NEGR1: variants seen among roughly 807,000 people sequenced by gnomAD.
NEGR1 encodes IgLON family member 4.
In NEGR1, 10 loss-of-function variants were observed where a neutral mutation model predicts 40.9. The ratio of observed to expected loss-of-function variants is 0.24; its 90% CI spans 0.15 to 0.42. The LOEUF is 0.42. NEGR1 is among the 10% of genes least tolerant of loss of function. The pLI is 1.00. For missense variants in NEGR1, 352 were observed against 438.9 expected (o/e 0.80, Z 1.77); for synonymous variants, 185 against 166.8 (o/e 1.11, Z -0.84).
At chr1:72,279,772 C>G (rs1656181092) in intron 1 of NEGR1, among the ~76,000 whole-genome samples, 1 of 152,082 alleles carries the variant, frequency 6.6e-6, no homozygotes, top group South Asian at 2.1e-4. Context: ...GAGGAAATTA[C>G]CAGCTGTAGA....
In NEGR1 at chr1:71,399,044, C is replaced by G. The variant is rs1646229611; in HGVS notation, c.*8402G>C. The G allele has an allele frequency of 6.6e-6, 1 of 152,280 alleles. No individual in the cohort carries two copies. The highest frequency in any genetic ancestry group is 1.5e-5 in the Non-Finnish European group (1 of 68,174). The allele number at this position is 152,280 out of a possible 1,614,324, so 9.4% of individuals were successfully genotyped here. A position where few individuals can be genotyped will look rare whatever the true frequency, so the allele number is the denominator to read the frequency against. ...AAACCTCTTTCTTTTGCATATTGCC[C>G]TGTCTCGGGTATATCTTTATCAGCA... On this transcript the variant is annotated 3_prime_UTR_variant, in exon 7 of 7. Transcript: ENST00000357731.
chr1:72,026,400 G>A (rs1030010447), intron 1 of NEGR1, among the ~76,000 whole-genome samples: 3 of 148,898 alleles, frequency 2.0e-5, no homozygotes, highest in Non-Finnish European at 3.0e-5. Context: ...CAAAGGAGTT[G>A]GAGTCTCCCA....
chr1:71,762,232 A>T (rs146276362), intron 3 of NEGR1, among the ~76,000 whole-genome samples: 5 of 151,972 alleles, frequency 3.3e-5, no homozygotes, highest in Non-Finnish European at 4.4e-5. Flanking sequence ...ACCCACAGGA[A>T]TGCAGGAAAA....
chr1:72,251,711 T>C (rs1263709005), intron 1 of NEGR1, among the ~76,000 whole-genome samples: 1 of 152,230 alleles, frequency 6.6e-6, no homozygotes, highest in Admixed American at 6.5e-5. Flanking sequence ...ATTGTTTTTT[T>C]TCCAGATATT....
At chr1:72,053,557 G>A (rs2100480671) in intron 1 of NEGR1, among the ~76,000 whole-genome samples, 1 of 150,880 alleles carries the variant, frequency 6.6e-6, no homozygotes, top group Middle Eastern at 3.4e-3. Flanking sequence ...CGTTAGTCAT[G>A]CTTGGCTCTA....
rs563937889 is a variant in NEGR1 at position 72,168,987 on chromosome 1, C to T, written c.176+113332G>A. Among the ~76,000 whole-genome samples the T allele has an allele frequency of 2.0e-5, 3 of 152,206 alleles. No homozygotes were observed. The South Asian group carries it at 6.2e-4, about 32-fold the overall frequency. On this transcript the variant is annotated intron_variant, in intron 1 of 6. Coordinates refer to ENST00000357731, the MANE Select transcript of NEGR1 (RefSeq NM_173808.3). ...GCAAATTTGGTGAAGGTTTTGGAAA[C>T]TTTATCAAATGCATAGTAGCTAAAA...
intron 1 of NEGR1, among the ~76,000 whole-genome samples, chr1:72,194,185 C>T (rs1652919975): frequency 6.6e-6 from 1 of 151,732 alleles, no homozygotes; most frequent in African/African-American, 2.4e-5. Flanking sequence ...GTTTGTCTTA[C>T]TTCTCTGTGT....
chr1:72,090,787 A>C (rs1172600152), intron 1 of NEGR1, among the ~76,000 whole-genome samples: 1 of 152,104 alleles, frequency 6.6e-6, no homozygotes, highest in Non-Finnish European at 1.5e-5. Flanking sequence ...CCCTGGGTAA[A>C]CTAGAGAGCT....
chr1:72,201,131 G>T (rs1025508888), intron 1 of NEGR1, among the ~76,000 whole-genome samples: 2 of 151,620 alleles, frequency 1.3e-5, no homozygotes, highest in Non-Finnish European at 2.9e-5. Context: ...ACATTGTGTG[G>T]AAATGACAGA....
At chr1:71,549,693 C>A (rs1019567884) in intron 6 of NEGR1, among the ~76,000 whole-genome samples, 6 of 151,622 alleles carry the variant, frequency 4.0e-5, no homozygotes, top group Non-Finnish European at 8.9e-5. Context: ...TGCTCTTAAG[C>A]AATGCATAGA....
chr1:71,782,786 T>C (rs572750342), intron 2 of NEGR1, among the ~76,000 whole-genome samples: 1 of 152,334 alleles, frequency 6.6e-6, no homozygotes, highest in South Asian at 2.1e-4. Context: ...TCAAGGGTCC[T>C]GTGTGACTTT....
chr1:71,467,731 T>TC (rs925989082), intron 6 of NEGR1, among the ~76,000 whole-genome samples: 1 of 152,138 alleles, frequency 6.6e-6, no homozygotes, highest in Non-Finnish European at 1.5e-5. Context: ...AAATTGCTTG[T>TC]CAAAATCATA....
chr1:71,706,446 A>G (rs1653902143), intron 3 of NEGR1, among the ~76,000 whole-genome samples: 1 of 151,860 alleles, frequency 6.6e-6, no homozygotes, highest in Admixed American at 6.6e-5. Context: ...CTAGGGAAGA[A>G]CTAGGCCCAG....
At chr1:72,020,016 C>T (rs953383621) in intron 1 of NEGR1, among the ~76,000 whole-genome samples, 41 of 152,214 alleles carry the variant, frequency 2.7e-4, no homozygotes, top group African/African-American at 7.2e-4. Context: ...TGAGGGCCTA[C>T]GTAAATTAAA....
chr1:71,915,805 A>C (rs1661560099), intron 2 of NEGR1, among the ~76,000 whole-genome samples: 1 of 152,328 alleles, frequency 6.6e-6, no homozygotes, highest in South Asian at 2.1e-4. Context: ...TAATTCATTA[A>C]GAGATCATAT....
In NEGR1 at chr1:71,403,919, T is replaced by G. The variant is rs1031255307; in HGVS notation, c.*3527A>C. 11 of 378,698 alleles carry G rather than the reference T, an allele frequency of 2.9e-5. No individual in the cohort carries two copies. The highest frequency in any genetic ancestry group is 9.4e-6 in the Non-Finnish European group (2 of 211,790). The allele number at this position is 378,698 out of a possible 1,614,324, so 23.5% of individuals were successfully genotyped here. On this transcript the variant is annotated 3_prime_UTR_variant, in exon 7 of 7. Transcript: ENST00000357731. ...TTCATATTCATATCTATTGAAATAC[T>G]GTACATCCACATACTTCAATAAATA... is the stretch of plus-strand genomic sequence containing the variant.
rs1330670735 is a variant in NEGR1, at chr1:71,406,292, A to G, written c.*1154T>C. On this transcript the variant is annotated 3_prime_UTR_variant, in exon 7 of 7. Coordinates refer to ENST00000357731, the MANE Select transcript of NEGR1 (RefSeq NM_173808.3). ...CATTCCAGACTATCAACTGAGTGAT[A>G]CTTTCAGATGGAAAATATGCAAAAT... The G allele has an allele frequency of 1.3e-5, 2 of 151,962 alleles. No homozygotes were observed. Among genetic ancestry groups the G allele is most frequent in the African/African-American group, 4.8e-5 (2 of 41,430 alleles). 9.4% of individuals were successfully genotyped at this position (151,962 alleles called of 1,614,324 possible).
intron 2 of NEGR1, among the ~76,000 whole-genome samples, chr1:71,842,739 A>G (rs1659285736): frequency 6.6e-6 from 1 of 152,144 alleles, no homozygotes; most frequent in African/African-American, 2.4e-5. Flanking sequence ...TTCAAATTCG[A>G]GGAAGTAAAA....
At chr1:71,669,498 A>T (rs971954985) in intron 4 of NEGR1, among the ~76,000 whole-genome samples, 7 of 151,692 alleles carry the variant, frequency 4.6e-5, no homozygotes, top group Non-Finnish European at 1.0e-4. Flanking sequence ...CTGTCTTTTG[A>T]TGTTTTTACT....
Sources: gnomAD v4.1 joint callset for allele counts (sites outside exome capture counted in the v4.1 genomes callset) on GRCh38, gnomAD v4.1.1 for gene constraint, MANE v1.5 for transcripts, NCBI Gene and HGNC (gene_info 2026-07-23, HGNC 2026-07-21) for gene names.